MARCHF1: variants seen among roughly 807,000 people sequenced by gnomAD.
MARCHF1 encodes membrane associated ring-CH-type finger 1.
In MARCHF1, 40 loss-of-function variants were observed where a neutral mutation model predicts 54.2. That is an observed-to-expected ratio of 0.74 (90% CI 0.57 to 0.96). The LOEUF (loss-of-function observed/expected upper bound fraction) is 0.96. MARCHF1 is among the 40% of genes least tolerant of loss of function. The pLI, the probability that MARCHF1 is intolerant of heterozygous loss-of-function variation, is 0.00. For synonymous variants in MARCHF1, 236 were observed against 236.3 expected (o/e 1.00, Z 0.01); for missense variants, 586 against 656.5 (o/e 0.89, Z 1.17).
intron 5 of MARCHF1, among the ~76,000 whole-genome samples, chr4:163,616,123 A>G (rs1447980628): frequency 6.6e-6 from 1 of 152,188 alleles, no homozygotes; most frequent in Non-Finnish European, 1.5e-5. Flanking sequence ...ATTAGGAAAA[A>G]CATGGAGAAA....
intron 5 of MARCHF1, among the ~76,000 whole-genome samples, chr4:163,668,075 G>A (rs1248209769): frequency 2.0e-5 from 3 of 152,162 alleles, no homozygotes; most frequent in African/African-American, 7.2e-5. Context: ...TTGGCACTTA[G>A]AGATTGAAAT....
intron 4 of MARCHF1, among the ~76,000 whole-genome samples, chr4:163,718,920 G>A (rs976486805): frequency 6.6e-6 from 1 of 152,174 alleles, no homozygotes; most frequent in Non-Finnish European, 1.5e-5. Flanking sequence ...GAGGACTGAG[G>A]TGAGGACCAG....
intron 3 of MARCHF1, among the ~76,000 whole-genome samples, chr4:163,892,530 G>A (rs1174078318): frequency 3.4e-5 from 5 of 148,352 alleles, no homozygotes; most frequent in African/African-American, 1.2e-4. Flanking sequence ...CAAAAATACA[G>A]ATATAATATG....
At chr4:164,187,683 A>G (rs975293029) in intron 1 of MARCHF1, among the ~76,000 whole-genome samples, 1 of 152,180 alleles carries the variant, frequency 6.6e-6, no homozygotes, top group South Asian at 2.1e-4. Context: ...GCACTTGACA[A>G]CACGGATCCC....
chr4:164,068,622 T>A (rs116274632), intron 2 of MARCHF1, among the ~76,000 whole-genome samples: 1 of 152,130 alleles, frequency 6.6e-6, no homozygotes, highest in African/African-American at 2.4e-5. Flanking sequence ...CAACCTGCCA[T>A]GCCTGAGCCT....
intron 1 of MARCHF1, among the ~76,000 whole-genome samples, chr4:164,340,589 A>AT (rs1179347748): frequency 6.6e-6 from 1 of 150,446 alleles, no homozygotes; most frequent in African/African-American, 2.4e-5. Context: ...ATGCCTGCCT[A>AT]TTTTTGTATT....
At chr4:164,016,188 C>T (rs1270012293) in intron 2 of MARCHF1, among the ~76,000 whole-genome samples, 1 of 152,114 alleles carries the variant, frequency 6.6e-6, no homozygotes, top group Non-Finnish European at 1.5e-5. Context: ...TGACTCAGTT[C>T]CATATGGCTG....
intron 4 of MARCHF1, among the ~76,000 whole-genome samples, chr4:163,712,699 T>C (rs1359625036): frequency 6.6e-6 from 1 of 152,184 alleles, no homozygotes; most frequent in African/African-American, 2.4e-5. Flanking sequence ...TGAGGATACA[T>C]ACGAGAATTT....
intron 2 of MARCHF1, among the ~76,000 whole-genome samples, chr4:163,993,130 G>A (rs1752999922): frequency 6.6e-6 from 1 of 152,068 alleles, no homozygotes; most frequent in South Asian, 2.1e-4. Flanking sequence ...ATACACTTAT[G>A]TATTAATTGG....
At chr4:164,192,668 A>G (rs905898754) in intron 1 of MARCHF1, among the ~76,000 whole-genome samples, 1 of 152,238 alleles carries the variant, frequency 6.6e-6, no homozygotes, top group African/African-American at 2.4e-5. Flanking sequence ...CTATTTCTGT[A>G]GTAATATTGG....
intron 3 of MARCHF1, among the ~76,000 whole-genome samples, chr4:163,903,233 C>T (rs967319749): frequency 5.7e-4 from 14 of 24,764 alleles, no homozygotes; most frequent in Admixed American, 3.1e-3. Context: ...GATCTTCCTT[C>T]CCTTGTGTGT....
At chr4:164,068,459 G>A (rs1306113685) in intron 2 of MARCHF1, among the ~76,000 whole-genome samples, 2 of 152,184 alleles carry the variant, frequency 1.3e-5, no homozygotes, top group Non-Finnish European at 2.9e-5. Flanking sequence ...AGTTCTGGGT[G>A]GGCATGGGCT....
At chr4:164,366,018 G>A (rs898515799) in intron 1 of MARCHF1, among the ~76,000 whole-genome samples, 1 of 151,864 alleles carries the variant, frequency 6.6e-6, no homozygotes, top group Non-Finnish European at 1.5e-5. Context: ...TGAACAAGAA[G>A]TTGCAAGACT....
intron 2 of MARCHF1, among the ~76,000 whole-genome samples, chr4:163,994,293 TGTGTGTGTGA>T (rs1428068895): frequency 1.5e-4 from 23 of 150,450 alleles, no homozygotes; most frequent in African/African-American, 5.7e-4. Context: ...TGTGTGTGTG[TGTGTGTGTGA>T]GTGTGGTGGG....
intron 3 of MARCHF1, among the ~76,000 whole-genome samples, chr4:163,870,270 A>C (rs543523970): frequency 4.6e-5 from 7 of 152,216 alleles, no homozygotes; most frequent in African/African-American, 1.7e-4. Flanking sequence ...GCTCTAAATT[A>C]CTCTCATTAA....
At chr4:163,824,528 A>G (rs1748791153) in intron 4 of MARCHF1, among the ~76,000 whole-genome samples, 1 of 124,900 alleles carries the variant, frequency 8.0e-6, no homozygotes, top group African/African-American at 2.8e-5. Context: ...ACCTAAAACC[A>G]TAAAAACCCT....
At chr4:164,279,983 G>C (rs1447431533) in intron 1 of MARCHF1, among the ~76,000 whole-genome samples, 1 of 151,762 alleles carries the variant, frequency 6.6e-6, no homozygotes, top group East Asian at 1.9e-4. Context: ...TTCATTTTTA[G>C]AGAATTGATT....
At chr4:164,179,608 C>A (rs1331630390) in intron 1 of MARCHF1, among the ~76,000 whole-genome samples, 3 of 151,990 alleles carry the variant, frequency 2.0e-5, no homozygotes, top group Non-Finnish European at 4.4e-5. Context: ...AAAATACATA[C>A]ACACACATAC....
In MARCHF1 at chr4:163,654,724, C is replaced by G. The variant is rs866115901; in HGVS notation, c.163-41331G>C. On this transcript the variant is annotated intron_variant, in intron 5 of 9. Coordinates refer to ENST00000514618, the MANE Select transcript of MARCHF1 (RefSeq NM_001394959.1). ...TTTATTTCTTCTATCTATTTACTTT[C>G]GATCATCAGTGTCTTTCTTAGACTT... Among the ~76,000 whole-genome samples the G allele has an allele frequency of 3.3e-5, 5 of 151,634 alleles. No individual in the cohort carries two copies. The South Asian group carries it at 6.2e-4, about 19-fold the overall frequency.
Sources: gnomAD v4.1 joint callset for allele counts (sites outside exome capture counted in the v4.1 genomes callset) on GRCh38, gnomAD v4.1.1 for gene constraint, MANE v1.5 for transcripts, NCBI Gene and HGNC (gene_info 2026-07-23, HGNC 2026-07-21) for gene names.